The following UFL1 variants were observed in gnomAD, a reference collection of about 807,000 sequenced individuals.
The protein encoded by UFL1 is E3 UFM1-protein ligase 1.
UFL1 carries 78 observed loss-of-function variants against 99.3 expected under a neutral mutation model. That is an observed-to-expected ratio of 0.79 (90% CI 0.65 to 0.95). The LOEUF (loss-of-function observed/expected upper bound fraction) is 0.95. UFL1 is among the 40% of genes least tolerant of loss of function. The pLI, the probability that UFL1 is intolerant of heterozygous loss-of-function variation, is 0.00. For missense variants in UFL1, 936 were observed against 937.0 expected, an observed-to-expected ratio of 1.00 and a Z score of 0.01; for synonymous variants, 335 against 322.2, an observed-to-expected ratio of 1.04 and a Z score of -0.42.
In UFL1 at chr6:96,554,330, C is replaced by G. The variant is rs999806549; in HGVS notation, c.*827C>G. 6.6e-6 allele frequency: 1 copy of G among 152,158 alleles called. No individual in the cohort carries two copies. The highest frequency in any genetic ancestry group is 2.4e-5 in the African/African-American group (1 of 41,456). 9.4% of individuals were successfully genotyped at this position (152,158 alleles called of 1,614,324 possible). ...TTTTAGTTCAACAGCTGCTCTGTCA[C>G]ATAATACTTTGTAAATACTAGTGTG... On this transcript the variant is annotated 3_prime_UTR_variant, in exon 19 of 19. Coordinates refer to ENST00000369278, the MANE Select transcript of UFL1 (RefSeq NM_015323.5).
At position 96,538,690 on chromosome 6, in the gene UFL1, G is replaced by A. The variant is rs1471297387; in HGVS notation, c.1038G>A (p.Met346Ile). The A allele has an allele frequency of 5.6e-6, 9 of 1,611,508 alleles. No homozygotes were observed. The highest frequency in any genetic ancestry group is 7.6e-6 in the Non-Finnish European group (9 of 1,178,400). Residue 346 changes from methionine to isoleucine, a missense_variant, in exon 10 of 19, where the codon ATG (methionine) becomes ATA (isoleucine). By Grantham distance (10) the Met-to-Ile change is conservative (BLOSUM62 1). Coordinates refer to ENST00000369278, the MANE Select transcript of UFL1 (RefSeq NM_015323.5). ...CTGCCATATTGCTTCAGCAGGTGAT[G>A]AGGGCATTCAGCAAACAGGCCTCAA... The part of the protein sequence containing the change: ...EDAAILLQQV[M>I]RAFSKQASTV...
Position 96,555,131 on chromosome 6 carries a change from GT to G in UFL1, c.*1633del, listed in dbSNP as rs1187630906. On this transcript the variant is annotated 3_prime_UTR_variant, in exon 19 of 19. Transcript: ENST00000369278. Reference sequence around the variant, plus strand: ...TCTTTTGTTGCCACAGTAAAGAACAGTTTTTATTGTTTTGTAAGTAAAATTA... The same window carrying G: ...TCTTTTGTTGCCACAGTAAAGAACAGTTTTATTGTTTTGTAAGTAAAATTA... 6.6e-6 allele frequency: 1 copy of G among 152,278 alleles called. No individual in the cohort carries two copies. Among genetic ancestry groups the G allele is most frequent in the Non-Finnish European group, 1.5e-5 (1 of 67,978 alleles). The allele number at this position is 152,278 out of a possible 1,614,324, so 9.4% of individuals were successfully genotyped here.
intron 6 of UFL1, among the ~76,000 whole-genome samples, chr6:96,531,022 C>T (rs539813769): frequency 1.9e-4 from 29 of 152,300 alleles, no homozygotes; most frequent in African/African-American, 3.4e-4. Flanking sequence ...AGATCAGTGG[C>T]GGCATTAGAT....
chr6:96,534,244 T>G lies in UFL1; in HGVS notation c.597-19T>G. 2 of 1,507,492 alleles carry G rather than the reference T, an allele frequency of 1.3e-6. No individual in the cohort carries two copies. The highest frequency in any genetic ancestry group is 1.8e-6 in the Non-Finnish European group (2 of 1,133,372). 93.4% of individuals were successfully genotyped at this position (1,507,492 alleles called of 1,614,324 possible). On this transcript the variant is annotated intron_variant, in intron 6 of 18. Transcript: ENST00000369278. Reference sequence around the variant, plus strand: ...CTATAATGAGTAAGAAGTTTTTTTTTTTTTAACTTTCCATAAAGGCCTACA... The same window carrying G: ...CTATAATGAGTAAGAAGTTTTTTTTGTTTTAACTTTCCATAAAGGCCTACA...
At position 96,554,450 on chromosome 6, in the gene UFL1, A is replaced by C. The variant is rs1003702173; in HGVS notation, c.*947A>C. On this transcript the variant is annotated 3_prime_UTR_variant, in exon 19 of 19. Coordinates refer to ENST00000369278, the MANE Select transcript of UFL1 (RefSeq NM_015323.5). ...TTTCCAAAACTAGAAACCCTTATTA[A>C]AAAATAGACATTTTTTTCTAAAGAT... is the stretch of plus-strand genomic sequence containing the variant. 6.6e-6 allele frequency: 1 copy of C among 152,084 alleles called. No individual in the cohort carries two copies. Among genetic ancestry groups the C allele is most frequent in the African/African-American group, 2.4e-5 (1 of 41,432 alleles). 9.4% of individuals were successfully genotyped at this position (152,084 alleles called of 1,614,324 possible).
At chr6:96,522,342 C>T (rs147337094) in intron 1 of UFL1, among the ~76,000 whole-genome samples, 40 of 152,262 alleles carry the variant, frequency 2.6e-4, no homozygotes, top group Admixed American at 1.2e-3. Flanking sequence ...GAGAGGCTAA[C>T]CCCCGCCCCC....
intron 4 of UFL1, 137 bp from the exon 5 acceptor site, chr6:96,526,184 T>C: frequency 1.6e-6 from 1 of 619,464 alleles, no homozygotes. Context: ...ATATGAGTGA[T>C]GAGTGGTGTT....
chr6:96,548,906 G>T (rs978364497), intron 13 of UFL1, among the ~76,000 whole-genome samples: 35 of 151,740 alleles, frequency 2.3e-4, no homozygotes, highest in Non-Finnish European at 4.0e-4. Flanking sequence ...TATAACTTCT[G>T]TGGTGATAAT....
At chr6:96,525,762 A>T (rs1769690898) in intron 4 of UFL1, among the ~76,000 whole-genome samples, 1 of 152,126 alleles carries the variant, frequency 6.6e-6, no homozygotes, top group Admixed American at 6.5e-5. Flanking sequence ...TTAATAAGAA[A>T]ACGTAAAACG....
chr6:96,523,414 G>C (rs1769654663), intron 2 of UFL1, 123 bp downstream of exon 2: 1 of 1,092,400 alleles, frequency 9.2e-7, no homozygotes, highest in Non-Finnish European at 1.3e-6. Flanking sequence ...GTTTTCAATT[G>C]TTAATTTGAT....
At chr6:96,526,239 A>G (rs748303113) in intron 4 of UFL1, 82 bp from the exon 5 acceptor site, 21 of 1,184,514 alleles carry the variant, frequency 1.8e-5, no homozygotes, top group South Asian at 1.1e-4. Flanking sequence ...ACTTCATTTC[A>G]ACGGAAATTA....
In UFL1 at chr6:96,549,813, C is replaced by T. The variant is rs1770052747; in HGVS notation, c.1818+14C>T. 6.2e-7 allele frequency: 1 copy of T among 1,609,668 alleles called. No individual in the cohort carries two copies. Among genetic ancestry groups the T allele is most frequent in the Non-Finnish European group, 8.5e-7 (1 of 1,177,600 alleles). The stretch of plus-strand genomic sequence containing the variant: ...ATTACAAGTGAAGTATGTTAATGAT[C>T]TCCCTACCACTATTGATGTGTTCTG... On this transcript the variant is annotated intron_variant, in intron 15 of 18. Transcript: ENST00000369278.
chr6:96,550,489 A>G (rs989100110), intron 15 of UFL1, among the ~76,000 whole-genome samples: 1 of 152,000 alleles, frequency 6.6e-6, no homozygotes, highest in Non-Finnish European at 1.5e-5. Context: ...GATCAAGGTC[A>G]AACCAAATCA....
chr6:96,540,423 TAGTTCTAAGCAACAAAA>T, intron 10 of UFL1, 95 bp from the exon 11 acceptor site: 6 of 1,334,326 alleles, frequency 4.5e-6, no homozygotes, highest in Non-Finnish European at 6.0e-6. Flanking sequence ...CAAAGCTCTA[TAGTTCTAAGCAACAAAA>T]CCAAACAAGA....
intron 10 of UFL1, among the ~76,000 whole-genome samples, chr6:96,539,596 A>G (rs796698723): frequency 2.4e-4 from 37 of 151,744 alleles, no homozygotes; most frequent in African/African-American, 8.9e-4. Flanking sequence ...TAAAACGTGT[A>G]TTATCTGTAT....
rs1770113194 is a variant in UFL1 at position 96,553,583 on chromosome 6, A to G, written c.*80A>G. 8.2e-7 allele frequency: 1 copy of G among 1,225,488 alleles called. No individual in the cohort carries two copies. The highest frequency in any genetic ancestry group is 1.1e-6 in the Non-Finnish European group (1 of 873,598). 75.9% of individuals were successfully genotyped at this position (1,225,488 alleles called of 1,614,324 possible). A position where few individuals can be genotyped will look rare whatever the true frequency, so the allele number is the denominator to read the frequency against. On this transcript the variant is annotated 3_prime_UTR_variant, in exon 19 of 19. Transcript: ENST00000369278. ...GAGTGGTCACAAAAAAGTAGTCACT[A>G]TACAACTCCCCTCTCCCTGCAAAAA... is the stretch of plus-strand genomic sequence containing the variant.
intron 12 of UFL1, among the ~76,000 whole-genome samples, 180 bp from the exon 13 acceptor site, chr6:96,547,982 AAG>A (rs1393715867): frequency 2.6e-5 from 4 of 151,796 alleles, no homozygotes; most frequent in South Asian, 2.1e-4. Flanking sequence ...ATTTTTTAAA[AAG>A]AGGTTTTATT....
Position 96,523,153 on chromosome 6 carries a change from G to C in UFL1, c.85G>C (p.Glu29Gln), listed in dbSNP as rs1562249506. Residue 29 changes from glutamate (E) to glutamine (Q), a missense_variant, in exon 2 of 19, where the codon GAG becomes CAG. Glu to Gln is a conservative substitution (Grantham distance 29). Coordinates refer to ENST00000369278, the MANE Select transcript of UFL1 (RefSeq NM_015323.5). Reference protein sequence around the residue: ...QFAEATQRLSERNCIEIVNKL... With the variant: ...QFAEATQRLSQRNCIEIVNKL... ...TTTTTTTCTTTCCCTCAGGTTGTCC[G>C]AGCGGAACTGCATTGAGATTGTTAA... 1 of 1,604,026 alleles carries C rather than the reference G, an allele frequency of 6.2e-7. No homozygotes were observed. The highest frequency in any genetic ancestry group is 8.5e-7 in the Non-Finnish European group (1 of 1,175,828).
At chr6:96,539,133 C>CA (rs1300233748) in intron 10 of UFL1, among the ~76,000 whole-genome samples, 1 of 151,620 alleles carries the variant, frequency 6.6e-6, no homozygotes, top group Non-Finnish European at 1.5e-5. Flanking sequence ...TAGATATGTA[C>CA]AAATATACAG....
Sources: gnomAD v4.1 joint callset for allele counts (sites outside exome capture counted in the v4.1 genomes callset) on GRCh38, gnomAD v4.1.1 for gene constraint, MANE v1.5 for transcripts, NCBI Gene and HGNC (gene_info 2026-07-23, HGNC 2026-07-21) for gene names.